TEDC1: variants seen among roughly 807,000 people sequenced by gnomAD.
TEDC1 encodes the protein tubulin epsilon and delta complex protein 1.
Under a neutral mutation model 59.9 loss-of-function variants are expected in TEDC1, and 54 were observed. That is an observed-to-expected ratio of 0.90 (90% CI 0.72 to 1.13). The LOEUF (loss-of-function observed/expected upper bound fraction) is 1.13. TEDC1 is among the 50% of genes most tolerant of loss of function. TEDC1 has a pLI of 0.00. For missense variants in TEDC1, 734 were observed against 683.4 expected, an observed-to-expected ratio of 1.07 and a Z score of -0.83; for synonymous variants, 353 against 298.1, an observed-to-expected ratio of 1.18 and a Z score of -1.90.
rs2084417526 is a variant in TEDC1, at chr14:105,499,239, C to T, written c.*293C>T. On this transcript the variant is annotated 3_prime_UTR_variant, in exon 9 of 9. Coordinates refer to ENST00000392523, the MANE Select transcript of TEDC1 (RefSeq NM_001367178.1). ...TAGCAGCTTTCCTGCCGCTGGCCCT[C>T]CCCCTGCCACCCTGTCGGGTTTCCC... 3.9e-6 allele frequency: 2 copies of T among 506,854 alleles called. No individual in the cohort carries two copies. The highest frequency in any genetic ancestry group is 1.9e-5 in the African/African-American group (1 of 51,880). 31.4% of individuals were successfully genotyped at this position (506,854 alleles called of 1,614,324 possible).
At position 105,492,247 on chromosome 14, in the gene TEDC1, G is replaced by C; in HGVS notation, c.367G>C (p.Val123Leu). ...GTCCTGGCTCTTGGCCCGAGGACCT[G>C]TGCCCGAGCAGATGCTGGCCCAGGC... ...ALSWLLARGP[V>L]PEQMLAQARV... Residue 123 changes from valine (V) to leucine (L), a missense_variant, in exon 3 of 9, where the codon GTG (valine) becomes CTG (leucine). Physicochemically the swap from Val to Leu is conservative, Grantham distance 32 (BLOSUM62 1). Coordinates refer to ENST00000392523, the MANE Select transcript of TEDC1 (RefSeq NM_001367178.1). 6.2e-7 allele frequency: 1 copy of C among 1,610,892 alleles called. No individual in the cohort carries two copies. The highest frequency in any genetic ancestry group is 8.5e-7 in the Non-Finnish European group (1 of 1,179,972).
chr14:105,497,790 C>A lies in TEDC1; in HGVS notation c.979-8C>A. ...TTGGTGCACGCTGTCTCACTTGGGT[C>A]TCTGTAGGACACGGTCCTGGGCACC... On this transcript the variant is annotated splice_polypyrimidine_tract_variant and splice_region_variant and intron_variant, in intron 7 of 8. Transcript: ENST00000392523. The A allele has an allele frequency of 6.5e-7, 1 of 1,534,472 alleles. No individual in the cohort carries two copies. The highest frequency in any genetic ancestry group is 8.8e-7 in the Non-Finnish European group (1 of 1,137,142).
In TEDC1 at chr14:105,497,708, T is replaced by A. The variant is rs1241863553; in HGVS notation, c.979-90T>A. 2.1e-6 allele frequency: 3 copies of A among 1,419,820 alleles called. No homozygotes were observed. The African/African-American group carries it at 4.3e-5, about 21-fold the overall frequency. 88.0% of individuals were successfully genotyped at this position (1,419,820 alleles called of 1,614,324 possible). A position where few individuals can be genotyped will look rare whatever the true frequency, so the allele number is the denominator to read the frequency against. ...TGAGATGGTGGCATCCAGCCCGCTG[T>A]GGGACCTGGGGGACTACCACTGCCC... On this transcript the variant is annotated intron_variant, in intron 7 of 8. Coordinates refer to ENST00000392523, the MANE Select transcript of TEDC1 (RefSeq NM_001367178.1).
At chr14:105,494,557 G>A (rs1235884474) in intron 5 of TEDC1, 1 of 154,452 alleles carries the variant, frequency 6.5e-6, no homozygotes, top group East Asian at 1.9e-4. Context: ...GGGGCTCTGT[G>A]GTCCCAGGCA....
In TEDC1 at chr14:105,492,569, C is replaced by T. The variant is rs782240754; in HGVS notation, c.430-10C>T. The T allele has an allele frequency of 1.5e-5, 23 of 1,536,916 alleles. No individual in the cohort carries two copies. Among genetic ancestry groups the T allele is most frequent in the South Asian group, 4.8e-5 (4 of 84,002 alleles). On this transcript the variant is annotated splice_polypyrimidine_tract_variant and intron_variant, in intron 3 of 8. Coordinates refer to ENST00000392523, the MANE Select transcript of TEDC1 (RefSeq NM_001367178.1). ...GGTGGGAGCAGGGCCTGACCCTTGC[C>T]CCTCTCCAGTGTGAGGCCCTGGCCA...
At chr14:105,495,650 A>C (rs1375295211) in intron 5 of TEDC1, 4 of 540,530 alleles carry the variant, frequency 7.4e-6, no homozygotes, top group Non-Finnish European at 9.9e-6. Context: ...CCTTGTCCCT[A>C]CCTGCCTTGT....
At chr14:105,496,416 C>T in intron 6 of TEDC1, 1 of 314,340 alleles carries the variant, frequency 3.2e-6, no homozygotes. Context: ...CTGCTCCGCC[C>T]CAGAGGGGCT....
At chr14:105,493,228 C>T (rs1555439842) in intron 4 of TEDC1, among the ~76,000 whole-genome samples, 1 of 152,106 alleles carries the variant, frequency 6.6e-6, no homozygotes, top group African/African-American at 2.4e-5. Flanking sequence ...CCAGCGCTGA[C>T]AGGTGGGTCT....
chr14:105,493,779 C>T (rs2084273888), intron 4 of TEDC1, 56 bp from the exon 5 acceptor site: 11 of 1,271,754 alleles, frequency 8.6e-6, no homozygotes, highest in South Asian at 1.2e-5. Flanking sequence ...GGAGACTCAG[C>T]GTTGGGGGAG....
intron 6 of TEDC1, chr14:105,496,505 C>T (rs1555440478): frequency 5.0e-6 from 1 of 201,802 alleles, no homozygotes; most frequent in Non-Finnish European, 1.0e-5. Flanking sequence ...GCAGCCTGCT[C>T]CACACTCTGG....
chr14:105,492,010 G>A, intron 2 of TEDC1, 97 bp from the exon 3 acceptor site: 1 of 1,286,972 alleles, frequency 7.8e-7, no homozygotes, highest in Non-Finnish European at 1.1e-6. Flanking sequence ...TAGGCCTTGA[G>A]CTTCTGCTCA....
Position 105,492,219 on chromosome 14 carries a change from T to G in TEDC1, c.339T>G (p.Ala113=). Residue 113 remains alanine (A), a synonymous_variant, in exon 3 of 9, where the codon GCT becomes GCG. Coordinates refer to ENST00000392523, the MANE Select transcript of TEDC1 (RefSeq NM_001367178.1). ...GSQGSRELLL[A]LSWLLARGPV... ...AGGGCAGTCGGGAGCTGCTGCTGGCTCTGTCCTGGCTCTTGGCCCGAGGAC... is the reference window on the plus strand; with the variant it reads ...AGGGCAGTCGGGAGCTGCTGCTGGCGCTGTCCTGGCTCTTGGCCCGAGGAC... The G allele has an allele frequency of 1.2e-6, 2 of 1,612,390 alleles. No homozygotes were observed. Among genetic ancestry groups the G allele is most frequent in the Non-Finnish European group, 1.7e-6 (2 of 1,179,916 alleles).
At chr14:105,491,072 G>C, upstream of TEDC1, 1 of 1,551,366 alleles carries the variant, frequency 6.4e-7, no homozygotes, top group Non-Finnish European at 8.7e-7. Context: ...GGACACGAAG[G>C]CGGGACCCTG....
rs782526717 is a variant in TEDC1 at position 105,497,395 on chromosome 14, G to A, written c.930G>A (p.Glu310=). The stretch of plus-strand genomic sequence containing the variant: ...TGGAGCGTGAGAACCAGCGCCTGGA[G>A]GCTGTCCTGGCGTGGCGGCGCTCTG... ...RTLERENQRL[E]AVLAWRRSEL... Residue 310 remains glutamate, a synonymous_variant, in exon 7 of 9, where the codon GAG becomes GAA. Transcript: ENST00000392523. 1 of 1,552,918 alleles carries A rather than the reference G, an allele frequency of 6.4e-7. No individual in the cohort carries two copies. Among genetic ancestry groups the A allele is most frequent in the African/African-American group, 1.4e-5 (1 of 73,596 alleles).
At chr14:105,491,801 C>T (rs2084218106) in intron 2 of TEDC1, 101 bp downstream of exon 2, 6 of 1,348,832 alleles carry the variant, frequency 4.4e-6, no homozygotes, top group Non-Finnish European at 6.1e-6. Context: ...CAGGCTCTAG[C>T]CCCCACCCAA....
Position 105,499,211 on chromosome 14 carries a change from T to A in TEDC1, c.*265T>A, listed in dbSNP as rs1047175564. ...GGTCTGGAGGGGACTCGGAAATAAATTGTAGCAGCTTTCCTGCCGCTGGCC... is the reference window on the plus strand; with the variant it reads ...GGTCTGGAGGGGACTCGGAAATAAAATGTAGCAGCTTTCCTGCCGCTGGCC... On this transcript the variant is annotated 3_prime_UTR_variant, in exon 9 of 9. Transcript: ENST00000392523. 1 of 548,656 alleles carries A rather than the reference T, an allele frequency of 1.8e-6. No individual in the cohort carries two copies. The highest frequency in any genetic ancestry group is 3.2e-6 in the Non-Finnish European group (1 of 309,226). 34.0% of individuals were successfully genotyped at this position (548,656 alleles called of 1,614,324 possible).
intron 5 of TEDC1, 183 bp downstream of exon 5, chr14:105,494,116 C>T: frequency 6.5e-6 from 4 of 612,024 alleles, no homozygotes; most frequent in East Asian, 2.8e-5. Context: ...TGGGCCTCTC[C>T]TAGCCTCATG....
intron 7 of TEDC1, 165 bp downstream of exon 7, chr14:105,497,608 T>C (rs4983427): frequency 0.72 from 791,609 of 1,097,312 alleles, 292,922 homozygotes; most frequent in Admixed American, 0.78. Context: ...CTGGGGAGGC[T>C]CACTGCTGCC....
upstream of TEDC1, chr14:105,491,049 G>A (rs2084193449): frequency 1.3e-6 from 2 of 1,551,258 alleles, no homozygotes; most frequent in Non-Finnish European, 1.7e-6. Flanking sequence ...CAGGGGAACC[G>A]TTCATTGGGC....
Sources: gnomAD v4.1 joint callset for allele counts (sites outside exome capture counted in the v4.1 genomes callset) on GRCh38, gnomAD v4.1.1 for gene constraint, MANE v1.5 for transcripts, NCBI Gene and HGNC (gene_info 2026-07-23, HGNC 2026-07-21) for gene names.